JPH1: variants seen among roughly 807,000 people sequenced by gnomAD.
JPH1 encodes the protein junctophilin-1.
In JPH1, 12 loss-of-function variants were observed where a neutral mutation model predicts 53.6. The observed-to-expected ratio is 0.22, with a 90% CI of 0.14 to 0.36. The LOEUF (loss-of-function observed/expected upper bound fraction) is 0.36, where lower values mean the gene tolerates loss of function less well. JPH1 is among the 10% of genes least tolerant of loss of function. The probability of loss-of-function intolerance (pLI) is 1.00; values close to 1 mark genes in which losing one functional copy is unlikely to be tolerated. For missense variants in JPH1, 808 were observed against 905.5 expected, an observed-to-expected ratio of 0.89 and a Z score of 1.38; for synonymous variants, 375 against 363.8, an observed-to-expected ratio of 1.03 and a Z score of -0.35.
rs997965347 is a variant in JPH1 at position 74,285,326 on chromosome 8, A to G, written c.1140-25823T>C. 1.3e-4 allele frequency among the ~76,000 whole-genome samples: 20 copies of G among 152,192 alleles called. No homozygotes were observed. In the East Asian group the frequency reaches 3.7e-3, roughly 28 times the overall value. On this transcript the variant is annotated intron_variant, in intron 2 of 5. Coordinates refer to ENST00000342232, the MANE Select transcript of JPH1 (RefSeq NM_020647.4). ...ATGAATTTTTCCATATAAATACTAC[A>G]TATAAATACTATATGTATTTAAAAT... is the stretch of plus-strand genomic sequence containing the variant.
In JPH1 at chr8:74,317,229, T is replaced by C. The variant is rs145490238; in HGVS notation, c.380-1609A>G. On this transcript the variant is annotated intron_variant, in intron 1 of 5. Coordinates refer to ENST00000342232, the MANE Select transcript of JPH1 (RefSeq NM_020647.4). ...CAACGGTTTTGACCAATTTCAAGAC[T>C]ACCTTCTCTTTTTGTTCATTCTGGC... is the stretch of plus-strand genomic sequence containing the variant. 3.3e-5 allele frequency among the ~76,000 whole-genome samples: 5 copies of C among 152,374 alleles called. No individual in the cohort carries two copies. In the East Asian group the frequency reaches 7.7e-4, roughly 23 times the overall value.
At chr8:74,267,882 G>A (rs927218200) in intron 2 of JPH1, among the ~76,000 whole-genome samples, 15 of 152,302 alleles carry the variant, frequency 9.8e-5, no homozygotes, top group Admixed American at 1.3e-4. Flanking sequence ...AGTGCTGGAT[G>A]AGCGAAAGAA....
rs139769306 is a variant in JPH1 at position 74,250,241 on chromosome 8, T to C, written c.1259-5066A>G. 2.9e-3 allele frequency among the ~76,000 whole-genome samples: 442 copies of C among 152,096 alleles called. 3 individuals carry two copies. The highest frequency in any genetic ancestry group is 9.8e-3 in the African/African-American group (408 of 41,486). ...CTCTGCCTCTCAGTTCAAATGATTCTCATGCCTCAGCCTCCCAAGTAGCTG... is the reference window on the plus strand; with the variant it reads ...CTCTGCCTCTCAGTTCAAATGATTCCCATGCCTCAGCCTCCCAAGTAGCTG... On this transcript the variant is annotated intron_variant, in intron 3 of 5. Coordinates refer to ENST00000342232, the MANE Select transcript of JPH1 (RefSeq NM_020647.4).
At chr8:74,261,483 T>C (rs1305202286) in intron 2 of JPH1, among the ~76,000 whole-genome samples, 1 of 152,190 alleles carries the variant, frequency 6.6e-6, no homozygotes, top group African/African-American at 2.4e-5. Flanking sequence ...TGGAGGATGC[T>C]TTAGATTATT....
intron 1 of JPH1, among the ~76,000 whole-genome samples, chr8:74,316,842 T>C (rs1454970736): frequency 1.3e-5 from 2 of 152,244 alleles, no homozygotes; most frequent in Admixed American, 1.3e-4. Flanking sequence ...TTAGGGAATT[T>C]AGAAGTTTCT....
At chr8:74,290,200 C>T (rs986533662) in intron 2 of JPH1, among the ~76,000 whole-genome samples, 2 of 152,158 alleles carry the variant, frequency 1.3e-5, no homozygotes, top group African/African-American at 4.8e-5. Context: ...CAAATTATCC[C>T]TGTTTGCAGA....
chr8:74,265,671 C>A (rs752635449), intron 2 of JPH1, among the ~76,000 whole-genome samples: 1 of 152,034 alleles, frequency 6.6e-6, no homozygotes, highest in African/African-American at 2.4e-5. Context: ...CTCTTTAAAA[C>A]GTAATCACTG....
At chr8:74,318,431 T>C (rs2131469658) in intron 1 of JPH1, among the ~76,000 whole-genome samples, 1 of 152,260 alleles carries the variant, frequency 6.6e-6, no homozygotes, top group East Asian at 1.9e-4. Flanking sequence ...AACGTTGTGT[T>C]TTCCCAGATA....
At chr8:74,299,291 A>C (rs531728125) in intron 2 of JPH1, among the ~76,000 whole-genome samples, 19 of 152,154 alleles carry the variant, frequency 1.2e-4, no homozygotes, top group Admixed American at 7.8e-4. Context: ...TTTTCTCATT[A>C]TTCAGTATTT....
rs1238071462 is a variant in JPH1, at chr8:74,244,742, T to C, written c.1692A>G (p.Pro564=). 1 of 1,614,154 alleles carries C rather than the reference T, an allele frequency of 6.2e-7. No homozygotes were observed. The highest frequency in any genetic ancestry group is 8.5e-7 in the Non-Finnish European group (1 of 1,180,026). ...YVKLNAPQHP[P]VDVEDGDGSS... is the part of the protein sequence containing the mutation. ...ATCCATCGCCGTCCTCCACGTCTAC[T>C]GGAGGGTGCTGGGGGGCGTTCAGCT... Residue 564 remains proline (P), a synonymous_variant, in exon 4 of 6, where the codon CCA becomes CCG. Coordinates refer to ENST00000342232, the MANE Select transcript of JPH1 (RefSeq NM_020647.4).
At chr8:74,318,352 A>C (rs1313967744) in intron 1 of JPH1, among the ~76,000 whole-genome samples, 5 of 152,188 alleles carry the variant, frequency 3.3e-5, no homozygotes, top group African/African-American at 1.2e-4. Flanking sequence ...TCAAATTTGC[A>C]CTGCACTATG....
At chr8:74,298,900 TCTA>T (rs1238088175) in intron 2 of JPH1, among the ~76,000 whole-genome samples, 2 of 152,216 alleles carry the variant, frequency 1.3e-5, no homozygotes, top group African/African-American at 4.8e-5. Flanking sequence ...GTTTTCAGGT[TCTA>T]CTACTGGCAA....
intron 2 of JPH1, among the ~76,000 whole-genome samples, chr8:74,295,788 T>C (rs1003424430): frequency 6.6e-6 from 1 of 152,156 alleles, no homozygotes; most frequent in Non-Finnish European, 1.5e-5. Flanking sequence ...TTCTTGCTCC[T>C]AGGCCTTGAT....
intron 2 of JPH1, among the ~76,000 whole-genome samples, chr8:74,280,818 T>G (rs1806992076): frequency 6.6e-6 from 1 of 152,238 alleles, no homozygotes; most frequent in Admixed American, 6.5e-5. Flanking sequence ...ACTGCCTGCC[T>G]TGCAATTACG....
chr8:74,264,168 C>T lies in JPH1; in HGVS notation c.1140-4665G>A, dbSNP rs1388267224. Among the ~76,000 whole-genome samples the T allele has an allele frequency of 2.0e-5, 3 of 152,196 alleles. No individual in the cohort carries two copies. The South Asian group carries it at 6.2e-4, about 32-fold the overall frequency. Reference sequence around the variant, plus strand: ...AATCTTTTATACATCTACTAACTGACGAAGCTGATAAAGACTTTGGTCTAG... The same window carrying T: ...AATCTTTTATACATCTACTAACTGATGAAGCTGATAAAGACTTTGGTCTAG... On this transcript the variant is annotated intron_variant, in intron 2 of 5. Coordinates refer to ENST00000342232, the MANE Select transcript of JPH1 (RefSeq NM_020647.4).
At chr8:74,292,080 C>T (rs941599152) in intron 2 of JPH1, among the ~76,000 whole-genome samples, 4 of 152,006 alleles carry the variant, frequency 2.6e-5, no homozygotes, top group Non-Finnish European at 5.9e-5. Flanking sequence ...ATGTAAATGA[C>T]GAGTTAATGG....
At chr8:74,299,189 G>A (rs1022429) in intron 2 of JPH1, among the ~76,000 whole-genome samples, 36,597 of 151,292 alleles carry the variant, frequency 0.24, 4,856 homozygotes, top group South Asian at 0.4. Context: ...ACTTCTTTAC[G>A]AAGTCATTCC....
intron 2 of JPH1, among the ~76,000 whole-genome samples, chr8:74,302,644 C>A (rs1458046189): frequency 1.3e-5 from 2 of 152,040 alleles, no homozygotes; most frequent in East Asian, 3.9e-4. Context: ...GGCATTCAGG[C>A]AAGGAGTGTT....
At chr8:74,249,761 C>T (rs1805982791) in intron 3 of JPH1, among the ~76,000 whole-genome samples, 1 of 152,142 alleles carries the variant, frequency 6.6e-6, no homozygotes, top group South Asian at 2.1e-4. Flanking sequence ...TAATGATAGG[C>T]CTAGACTATT....
Sources: allele counts gnomAD v4.1 joint callset (sites outside exome capture counted in the v4.1 genomes callset), GRCh38; gene constraint gnomAD v4.1.1; transcripts MANE v1.5; gene names NCBI Gene and HGNC (gene_info 2026-07-23, HGNC 2026-07-21).